The following MTBP variants were observed in gnomAD, a reference collection of about 807,000 sequenced individuals.
MTBP encodes mdm2-binding protein.
A neutral mutation model predicts 117.0 loss-of-function variants in MTBP; 101 were observed. The ratio of observed to expected loss-of-function variants is 0.86; its 90% CI spans 0.73 to 1.02. The LOEUF (loss-of-function observed/expected upper bound fraction) is 1.02. Among genes scored for constraint, MTBP ranks in the 50% least tolerant of loss-of-function variants. MTBP has a pLI of 0.00. For missense variants in MTBP, 970 were observed against 1,030.9 expected, an observed-to-expected ratio of 0.94 and a Z score of 0.81; for synonymous variants, 350 against 351.5, an observed-to-expected ratio of 1.00 and a Z score of 0.05.
rs1813579721 is a variant in MTBP at position 120,461,368 on chromosome 8, T to C, written c.977+113T>C. On this transcript the variant is annotated intron_variant, in intron 9 of 21. Transcript: ENST00000305949. ...GGTATATCTTTTTCATTATATTCAC[T>C]GTTTTAATGTTGATGTTCAAGTAGG... 1.0e-5 allele frequency: 7 copies of C among 701,100 alleles called. No individual in the cohort carries two copies. The East Asian group carries it at 2.0e-4, about 20-fold the overall frequency. The allele number at this position is 701,100 out of a possible 1,614,324, so 43.4% of individuals were successfully genotyped here.
chr8:120,483,377 T>G (rs1382997772), intron 11 of MTBP, among the ~76,000 whole-genome samples: 1 of 152,124 alleles, frequency 6.6e-6, no homozygotes, highest in Non-Finnish European at 1.5e-5. Flanking sequence ...GTTATATTAT[T>G]TTGCCATTTC....
chr8:120,488,170 G>A lies in MTBP; in HGVS notation c.1177G>A (p.Glu393Lys). ...KPKTISVPDV[E>K]VKGECSSYYL... is the part of the protein sequence containing the mutation. ...TTGTTTTTGTTTAGTTCCAGATGTTGAAGTGAAAGGAGAGTGTTCTAGCTA... is the reference window on the plus strand; with the variant it reads ...TTGTTTTTGTTTAGTTCCAGATGTTAAAGTGAAAGGAGAGTGTTCTAGCTA... Residue 393 changes from glutamate to lysine, a missense_variant, in exon 12 of 22, where the codon GAA becomes AAA. Transcript: ENST00000305949. The A allele has an allele frequency of 6.3e-7, 1 of 1,581,886 alleles. No individual in the cohort carries two copies. Among genetic ancestry groups the A allele is most frequent in the Non-Finnish European group, 8.6e-7 (1 of 1,169,076 alleles).
chr8:120,447,077 G>C (rs1032787068), intron 2 of MTBP, among the ~76,000 whole-genome samples: 51 of 152,090 alleles, frequency 3.4e-4, no homozygotes, highest in African/African-American at 1.2e-3. Context: ...TACTGACTTT[G>C]ATAGTTATCT....
chr8:120,490,440 C>CTTTTTTTT, intron 12 of MTBP, 23 bp from the exon 13 acceptor site: 2 of 1,321,598 alleles, frequency 1.5e-6, no homozygotes, highest in Admixed American at 1.9e-5. Context: ...TAATGTTGAC[C>CTTTTTTTT]TTTTTTTTTT....
intron 20 of MTBP, among the ~76,000 whole-genome samples, chr8:120,520,551 C>T (rs1336291853): frequency 1.3e-5 from 2 of 152,020 alleles, no homozygotes; most frequent in Non-Finnish European, 2.9e-5. Context: ...TGGACACAAG[C>T]GTCCTAGCTT....
At chr8:120,499,346 AC>A (rs1195037200) in intron 14 of MTBP, among the ~76,000 whole-genome samples, 28 of 151,968 alleles carry the variant, frequency 1.8e-4, no homozygotes, top group Admixed American at 1.8e-3. Context: ...GCTTTCCCAG[AC>A]CTTCCCCAGT....
intron 17 of MTBP, among the ~76,000 whole-genome samples, chr8:120,514,325 A>G (rs984970885): frequency 6.6e-6 from 1 of 151,966 alleles, no homozygotes; most frequent in African/African-American, 2.4e-5. Flanking sequence ...TTCATCCTAC[A>G]TAACTCTGCA....
chr8:120,456,709 A>G (rs762504842), intron 7 of MTBP, 39 bp downstream of exon 7: 1 of 988,542 alleles, frequency 1.0e-6, no homozygotes, highest in Non-Finnish European at 1.6e-6. Flanking sequence ...TAGGCCTTTC[A>G]ATTTTATTTA....
intron 11 of MTBP, among the ~76,000 whole-genome samples, chr8:120,487,410 A>G (rs751630584): frequency 3.3e-5 from 5 of 152,156 alleles, no homozygotes; most frequent in Non-Finnish European, 5.9e-5. Flanking sequence ...TTCAAATTTT[A>G]GTTGTCGTTG....
chr8:120,506,291 C>T (rs184499308), intron 15 of MTBP, among the ~76,000 whole-genome samples: 1 of 152,208 alleles, frequency 6.6e-6, no homozygotes, highest in African/African-American at 2.4e-5. Context: ...AAAATTGGAA[C>T]ATTCAGTCAC....
chr8:120,505,082 T>A (rs764105453), intron 15 of MTBP, among the ~76,000 whole-genome samples: 2 of 152,178 alleles, frequency 1.3e-5, no homozygotes, highest in Admixed American at 6.5e-5. Flanking sequence ...TTTTCTCTTA[T>A]GTGTAATTTT....
chr8:120,513,069 T>A (rs1814846230), intron 17 of MTBP, among the ~76,000 whole-genome samples: 1 of 152,088 alleles, frequency 6.6e-6, no homozygotes, highest in Non-Finnish European at 1.5e-5. Flanking sequence ...TTGGCTTGTT[T>A]GTTTTTTCAC....
chr8:120,476,983 G>A (rs541307466), intron 11 of MTBP, among the ~76,000 whole-genome samples: 3 of 152,196 alleles, frequency 2.0e-5, no homozygotes, highest in African/African-American at 7.2e-5. Context: ...GAGGCATCAC[G>A]CTACATGACT....
At chr8:120,455,912 A>G (rs966122362) in intron 6 of MTBP, among the ~76,000 whole-genome samples, 15 of 152,204 alleles carry the variant, frequency 9.9e-5, no homozygotes, top group African/African-American at 3.6e-4. Flanking sequence ...TTATGTGCCA[A>G]TGTAGGAATA....
chr8:120,446,628 T>C, intron 2 of MTBP, 115 bp downstream of exon 2: 1 of 652,216 alleles, frequency 1.5e-6, no homozygotes, highest in Non-Finnish European at 2.7e-6. Flanking sequence ...TACAAGGCAC[T>C]GAGTTACAGA....
Position 120,488,225 on chromosome 8 carries a change from G to T in MTBP, c.1232G>T (p.Arg411Ile). The T allele has an allele frequency of 6.3e-7, 1 of 1,597,072 alleles. No homozygotes were observed. Among genetic ancestry groups the T allele is most frequent in the Non-Finnish European group, 8.5e-7 (1 of 1,174,016 alleles). Reference sequence around the variant, plus strand: ...CTCTTGTTACAAGGTAATGGCAATAGAAGATGTAAAGCCACATTGATTCAC... The same window carrying T: ...CTCTTGTTACAAGGTAATGGCAATATAAGATGTAAAGCCACATTGATTCAC... ...YYLLLQGNGN[R>I]RCKATLIHSA... The change falls in exon 12 of 22, where the codon AGA becomes ATA. Residue 411 changes from arginine to isoleucine, a missense_variant. Transcript: ENST00000305949.
In MTBP at chr8:120,502,582, C is replaced by G. The variant is rs144769530; in HGVS notation, c.1700C>G (p.Thr567Ser). 4,353 of 1,601,244 alleles carry G rather than the reference C, an allele frequency of 2.7e-3. 116 individuals carry two copies. The African/African-American group carries it at 0.054, about 20-fold the overall frequency. Reference sequence around the variant, plus strand: ...AGGCATGTTCTTCAAAATTTGGAAACTTTTGAAAAAACTAAACAAAAAATG... The same window carrying G: ...AGGCATGTTCTTCAAAATTTGGAAAGTTTTGAAAAAACTAAACAAAAAATG... ...PERHVLQNLETFEKTKQKMRT... is the reference protein window; with the variant it reads ...PERHVLQNLESFEKTKQKMRT... Residue 567 changes from threonine (T) to serine (S), a missense_variant, in exon 15 of 22, where the codon ACT becomes AGT. By Grantham distance (58) the Thr-to-Ser change is moderately conservative (BLOSUM62 1). Coordinates refer to ENST00000305949, the MANE Select transcript of MTBP (RefSeq NM_022045.5).
At chr8:120,451,431 CTAGTT>C (rs1813344207) in intron 4 of MTBP, 109 bp downstream of exon 4, 1 of 949,790 alleles carries the variant, frequency 1.1e-6, no homozygotes, top group African/African-American at 1.7e-5. Flanking sequence ...TGAAGAAACT[CTAGTT>C]AATTGAAATT....
intron 1 of MTBP, 81 bp downstream of exon 1, chr8:120,445,669 A>G (rs1813209582): frequency 8.7e-7 from 1 of 1,146,314 alleles, no homozygotes; most frequent in Non-Finnish European, 1.3e-6. Flanking sequence ...GTTCTGCTGA[A>G]GAGGGATCAA....
Sources: allele counts gnomAD v4.1 joint callset (sites outside exome capture counted in the v4.1 genomes callset), GRCh38; gene constraint gnomAD v4.1.1; transcripts MANE v1.5; gene names NCBI Gene and HGNC (gene_info 2026-07-23, HGNC 2026-07-21).